Variants in MED22 observed in about 807,000 individuals in gnomAD.
The protein encoded by MED22 is mediator of RNA polymerase II transcription subunit 22.
In MED22, 22 loss-of-function variants were observed where a neutral mutation model predicts 22.7. The observed-to-expected ratio is 0.97, with a 90% CI of 0.69 to 1.38. The LOEUF is 1.38. Among genes scored for constraint, MED22 ranks in the 40% most tolerant of loss-of-function variants. MED22 has a pLI of 0.00. For missense variants in MED22, 247 were observed against 263.0 expected, an observed-to-expected ratio of 0.94 and a Z score of 0.42; for synonymous variants, 134 against 119.4, an observed-to-expected ratio of 1.12 and a Z score of -0.80.
At chr9:133,345,362 G>A (rs1564340806) in intron 2 of MED22, 110 bp from the exon 3 acceptor site, 1 of 1,039,772 alleles carries the variant, frequency 9.6e-7, no homozygotes, top group African/African-American at 1.6e-5. Flanking sequence ...TGTCCACACT[G>A]GCCACAACCT....
At chr9:133,345,081 C>T in intron 3 of MED22, 91 bp downstream of exon 3, 1 of 1,292,144 alleles carries the variant, frequency 7.7e-7, no homozygotes, top group Non-Finnish European at 1.1e-6. Flanking sequence ...AAGACCAGAC[C>T]AGCCCCAGAG....
intron 4 of MED22, chr9:133,343,502 G>A (rs1836076260): frequency 1.6e-6 from 2 of 1,235,740 alleles, no homozygotes; most frequent in Non-Finnish European, 2.0e-6. Context: ...GCATCCCTGG[G>A]ACCCAGCACG....
At chr9:133,344,903 G>A (rs2129963140) in intron 3 of MED22, among the ~76,000 whole-genome samples, 3 of 152,164 alleles carry the variant, frequency 2.0e-5, no homozygotes, top group East Asian at 1.9e-4. Flanking sequence ...GCCACTGCAC[G>A]GCTACAGGAC....
In MED22 at chr9:133,347,810, T is replaced by C. The variant is rs2129973959; in HGVS notation, c.-39+112A>G. ...TTTTTGGCGGGGTGTGGGAAATAAG[T>C]CACACGCAGGAAAGGGGATCTCCGA... On this transcript the variant is annotated intron_variant, in intron 1 of 4. Transcript: ENST00000343730. 4.1e-3 allele frequency: 876 copies of C among 212,710 alleles called. 5 individuals carry two copies. Among genetic ancestry groups the C allele is most frequent in the Admixed American group, 6.1e-3 (109 of 17,868 alleles). The allele number at this position is 212,710 out of a possible 1,614,324, so 13.2% of individuals were successfully genotyped here.
rs1342828932 is a variant in MED22, at chr9:133,341,011, G to A, written c.*494C>T. The A allele has an allele frequency of 1.3e-5, 2 of 154,030 alleles. No individual in the cohort carries two copies. Among genetic ancestry groups the A allele is most frequent in the African/African-American group, 4.8e-5 (2 of 41,540 alleles). The allele number at this position is 154,030 out of a possible 1,614,324, so 9.5% of individuals were successfully genotyped here. On this transcript the variant is annotated 3_prime_UTR_variant, in exon 5 of 5. Transcript: ENST00000343730. ...TGGGCAGCAGCTGTCACACGGGCCT[G>A]TCGTGGCACTCAGCCCATGGCACAG...
rs2129975901 is a variant in MED22, at chr9:133,348,063, C to A, written c.-180G>T. ...CCGCAGTCTCTCTTCCCCGCCGCGC[C>A]GCGGTCCGAAAACCTAGTCAGCCGC... On this transcript the variant is annotated 5_prime_UTR_variant, in exon 1 of 5. Coordinates refer to ENST00000343730, the MANE Select transcript of MED22 (RefSeq NM_133640.5). 569 of 823,604 alleles carry A rather than the reference C, an allele frequency of 6.9e-4. No individual in the cohort carries two copies. Among genetic ancestry groups the A allele is most frequent in the Non-Finnish European group, 9.7e-4 (484 of 500,364 alleles). The allele number at this position is 823,604 out of a possible 1,614,324, so 51.0% of individuals were successfully genotyped here.
intron 1 of MED22, among the ~76,000 whole-genome samples, chr9:133,346,905 C>T (rs2129970386): frequency 6.6e-6 from 1 of 152,354 alleles, no homozygotes; most frequent in African/African-American, 2.4e-5. Context: ...GCAAGCTCAT[C>T]CTGGAACTCC....
Position 133,338,912 on chromosome 9 carries a change from C to T in MED22, c.*2593G>A, listed in dbSNP as rs889756355. On this transcript the variant is annotated 3_prime_UTR_variant, in exon 5 of 5. Transcript: ENST00000343730. ...TTTAGATTTTAAGACTCCAAAATAA[C>T]AACCAAATGCAACACACAATAAAAA... 3 of 533,904 alleles carry T rather than the reference C, an allele frequency of 5.6e-6. No homozygotes were observed. The highest frequency in any genetic ancestry group is 7.3e-6 in the Non-Finnish European group (2 of 275,160). 33.1% of individuals were successfully genotyped at this position (533,904 alleles called of 1,614,324 possible).
chr9:133,341,242 T>C lies in MED22; in HGVS notation c.*263A>G, dbSNP rs1835995190. 1 of 380,986 alleles carries C rather than the reference T, an allele frequency of 2.6e-6. No individual in the cohort carries two copies. The highest frequency in any genetic ancestry group is 4.6e-6 in the Non-Finnish European group (1 of 215,392). 23.6% of individuals were successfully genotyped at this position (380,986 alleles called of 1,614,324 possible). ...GCCAGACCTAGCTTGGAAACTTTCTTCCACCTGGCTGGCCAGGAAGGCAGC... is the reference window on the plus strand; with the variant it reads ...GCCAGACCTAGCTTGGAAACTTTCTCCCACCTGGCTGGCCAGGAAGGCAGC... On this transcript the variant is annotated 3_prime_UTR_variant, in exon 5 of 5. Transcript: ENST00000343730.
Position 133,341,607 on chromosome 9 carries a change from C to T in MED22, c.501G>A (p.Ser167=), listed in dbSNP as rs151170920. 8.5e-4 allele frequency: 1,351 copies of T among 1,594,152 alleles called. 14 individuals are homozygous for T. In the South Asian group the frequency reaches 0.013, roughly 16 times the overall value. Residue 167 remains serine (S), a synonymous_variant, in exon 5 of 5, where the codon TCG becomes TCA. Transcript: ENST00000343730. Reference sequence around the variant, plus strand: ...GCTCCGGGGACGCCAGCAGAGGGGCCGAGAGGCCATCAGCAGAGTCTGTGT... The same window carrying T: ...GCTCCGGGGACGCCAGCAGAGGGGCTGAGAGGCCATCAGCAGAGTCTGTGT... ...DLDTDSADGL[S]APLLASPEPS... is the part of the protein sequence containing the mutation.
rs2129958377 is a variant in MED22 at position 133,343,881 on chromosome 9, C to T, written c.413+244G>A. 218 of 1,420,234 alleles carry T rather than the reference C, an allele frequency of 1.5e-4. 6 individuals carry two copies. The highest frequency in any genetic ancestry group is 1.5e-3 in the South Asian group (94 of 63,038). The allele number at this position is 1,420,234 out of a possible 1,614,324, so 88.0% of individuals were successfully genotyped here. On this transcript the variant is annotated intron_variant, in intron 4 of 4. Transcript: ENST00000343730. ...CTCCCTTCTCCAGACTCGGCCTATC[C>T]GACTGGCGTGAGTCCTGTGGTTTTC... is the stretch of plus-strand genomic sequence containing the variant.
intron 4 of MED22, 108 bp downstream of exon 4, chr9:133,344,017 C>G: frequency 6.5e-7 from 1 of 1,540,852 alleles, no homozygotes. Context: ...CATGGCTCCA[C>G]TGCTAAGACC....
Position 133,346,686 on chromosome 9 carries a change from G to C in MED22, c.-24C>G, listed in dbSNP as rs2129969736. On this transcript the variant is annotated 5_prime_UTR_variant, in exon 2 of 5. Coordinates refer to ENST00000343730, the MANE Select transcript of MED22 (RefSeq NM_133640.5). Reference sequence around the variant, plus strand: ...ATGGCCGAGCCTCAAGCAGCGCAGCGGGGAGACCTGGGACCTAGAGTGCAG... The same window carrying C: ...ATGGCCGAGCCTCAAGCAGCGCAGCCGGGAGACCTGGGACCTAGAGTGCAG... The C allele has an allele frequency of 2.7e-5, 44 of 1,607,572 alleles. No individual in the cohort carries two copies. The highest frequency in any genetic ancestry group is 3.6e-5 in the Non-Finnish European group (43 of 1,179,546).
At chr9:133,345,345 C>T in intron 2 of MED22, 93 bp from the exon 3 acceptor site, 1 of 1,223,824 alleles carries the variant, frequency 8.2e-7, no homozygotes, top group Non-Finnish European at 1.2e-6. Flanking sequence ...CTGTCATCTA[C>T]CCAGGATGTC....
intron 2 of MED22, among the ~76,000 whole-genome samples, chr9:133,345,744 AC>A (rs1347524873): frequency 5.3e-5 from 8 of 152,034 alleles, no homozygotes; most frequent in Admixed American, 1.3e-4. Context: ...CTGGCCTGCC[AC>A]CCCTGGTGTA....
chr9:133,343,132 G>T (rs71503184), intron 4 of MED22: 6 of 1,030,312 alleles, frequency 5.8e-6, no homozygotes, highest in Non-Finnish European at 7.0e-6. Flanking sequence ...CTGCAGCTCA[G>T]CAGTGCCACT....
chr9:133,344,438 T>G, intron 3 of MED22, 105 bp from the exon 4 acceptor site: 1 of 1,140,836 alleles, frequency 8.8e-7, no homozygotes, highest in Non-Finnish European at 1.3e-6. Context: ...GAGCCTCAGC[T>G]TCCTCATCTG....
chr9:133,346,478 GCCTCTCCTGTCTCCA>G lies in MED22; in HGVS notation c.123+47_123+61del. 1.9e-6 allele frequency: 3 copies of G among 1,599,192 alleles called. No homozygotes were observed. The South Asian group carries it at 3.3e-5, about 18-fold the overall frequency. ...ATTCACTCGCGCTGCTCAGCCCCTGGCCTCTCCTGTCTCCACCCCTTCTCAGACTCTGCTCCCCTT... is the reference window on the plus strand; with the variant it reads ...ATTCACTCGCGCTGCTCAGCCCCTGGCCCCTTCTCAGACTCTGCTCCCCTT... On this transcript the variant is annotated intron_variant, in intron 2 of 4. Coordinates refer to ENST00000343730, the MANE Select transcript of MED22 (RefSeq NM_133640.5).
At chr9:133,342,062 C>T in intron 4 of MED22, 2 of 1,097,918 alleles carry the variant, frequency 1.8e-6, no homozygotes, top group Non-Finnish European at 2.2e-6. Context: ...CACCCTCCCT[C>T]CTCCCTGACT....
Sources: gnomAD v4.1 joint callset for allele counts (sites outside exome capture counted in the v4.1 genomes callset) on GRCh38, gnomAD v4.1.1 for gene constraint, MANE v1.5 for transcripts, NCBI Gene and HGNC (gene_info 2026-07-23, HGNC 2026-07-21) for gene names.